Variants in F13A1 observed in about 807,000 individuals in gnomAD.
F13A1 encodes FSF, A subunit.
A neutral mutation model predicts 80.1 loss-of-function variants in F13A1; 47 were observed. The observed-to-expected ratio is 0.59, with a 90% CI of 0.46 to 0.75. F13A1 has a LOEUF of 0.75. Among genes scored for constraint, F13A1 ranks in the 30% least tolerant of loss-of-function variants. The probability of loss-of-function intolerance (pLI) is 0.00; values close to 1 mark genes in which losing one functional copy is unlikely to be tolerated. For missense variants in F13A1, 817 were observed against 930.4 expected (o/e 0.88, Z 1.59); for synonymous variants, 349 against 344.9 (o/e 1.01, Z -0.13).
chr6:6,199,382 C>T (rs60736425), intron 8 of F13A1, among the ~76,000 whole-genome samples: 24,788 of 151,724 alleles, frequency 0.16, 2,172 homozygotes, highest in Middle Eastern at 0.28. Context: ...CCCAGCTACT[C>T]GGGAGGCTGA....
intron 13 of F13A1, among the ~76,000 whole-genome samples, chr6:6,156,716 G>A (rs1024526984): frequency 6.6e-6 from 1 of 152,228 alleles, no homozygotes; most frequent in East Asian, 1.9e-4. Flanking sequence ...GTTAGGAAAT[G>A]TTCTCAGTCT....
rs776883190 is a variant in F13A1 at position 6,243,801 on chromosome 6, C to A, written c.798+4511G>T. On this transcript the variant is annotated intron_variant, in intron 6 of 14. Transcript: ENST00000264870. The surrounding 1 kb of genome is among the most constrained non-coding windows in gnomAD (Gnocchi z 4.2). ...CATGTGTTTCGACACAGATCCTCCACTGGTAATGCCTTGACCCACTGGAGC... is the reference window on the plus strand; with the variant it reads ...CATGTGTTTCGACACAGATCCTCCAATGGTAATGCCTTGACCCACTGGAGC... 6.6e-6 allele frequency among the ~76,000 whole-genome samples: 1 copy of A among 152,214 alleles called. No homozygotes were observed. The highest frequency in any genetic ancestry group is 1.5e-5 in the Non-Finnish European group (1 of 68,042).
Position 6,266,671 on chromosome 6 carries a change from C to T in F13A1, c.458G>A (p.Cys153Tyr). 6 of 1,614,164 alleles carry T rather than the reference C, an allele frequency of 3.7e-6. No homozygotes were observed. The highest frequency in any genetic ancestry group is 5.1e-6 in the Non-Finnish European group (6 of 1,180,034). ...VRLSIQSSPK[C>Y]IVGKFRMYVA... is the part of the protein sequence containing the mutation. ...ATACATGCGGAATTTCCCCACAATA[C>T]ATTTGGGGGAAGACTGGATGGACAG... The change falls in exon 4 of 15, where the codon TGT (cysteine) becomes TAT (tyrosine). Residue 153 changes from cysteine (C) to tyrosine (Y), a missense_variant. Transcript: ENST00000264870.
intron 8 of F13A1, among the ~76,000 whole-genome samples, chr6:6,216,250 G>A (rs1458876003): frequency 6.6e-6 from 1 of 151,964 alleles, no homozygotes; most frequent in Admixed American, 6.5e-5. Context: ...CAAAGCTGGA[G>A]GCATCACACT....
intron 3 of F13A1, among the ~76,000 whole-genome samples, chr6:6,299,578 G>A (rs1437321935): frequency 1.4e-5 from 2 of 139,348 alleles, no homozygotes; most frequent in African/African-American, 3.1e-5. Context: ...CGTAGTTCTC[G>A]AGCCTTGCTT....
intron 8 of F13A1, among the ~76,000 whole-genome samples, chr6:6,209,700 C>T (rs185730122): frequency 3.1e-4 from 47 of 152,266 alleles, no homozygotes; most frequent in African/African-American, 9.6e-4. Flanking sequence ...TGCTACAACA[C>T]GGACGAACCT....
intron 14 of F13A1, among the ~76,000 whole-genome samples, chr6:6,147,306 AAAAAG>A (rs575152488): frequency 7.1e-4 from 108 of 151,338 alleles, no homozygotes; most frequent in African/African-American, 2.6e-3. Flanking sequence ...ATAGAAATAA[AAAAAG>A]AAAAGAAGAA....
intron 2 of F13A1, among the ~76,000 whole-genome samples, chr6:6,311,587 C>T (rs11243076): frequency 0.73 from 106,639 of 145,738 alleles, 39,350 homozygotes; most frequent in East Asian, 0.86. Context: ...AACAAACATA[C>T]ATATATATCA....
intron 11 of F13A1, among the ~76,000 whole-genome samples, chr6:6,177,854 T>A (rs571117297): frequency 6.6e-6 from 1 of 152,166 alleles, no homozygotes; most frequent in African/African-American, 2.4e-5. Flanking sequence ...CTCGGAGTTT[T>A]TGGAGCGAGG....
chr6:6,185,832 T>C (rs1448744127), intron 10 of F13A1, among the ~76,000 whole-genome samples: 4 of 152,178 alleles, frequency 2.6e-5, no homozygotes, highest in African/African-American at 7.2e-5. Context: ...GTTTACAGTC[T>C]CATCAACAGT....
intron 2 of F13A1, chr6:6,305,791 G>A (rs1406683970): frequency 4.1e-6 from 2 of 491,930 alleles, no homozygotes; most frequent in South Asian, 2.1e-5. Flanking sequence ...ACTCACTGTG[G>A]GATAGATGGA....
intron 4 of F13A1, among the ~76,000 whole-genome samples, chr6:6,252,083 AAT>A (rs1163783347): frequency 6.6e-6 from 1 of 152,194 alleles, no homozygotes; most frequent in African/African-American, 2.4e-5. Flanking sequence ...GTTAGAGAAA[AAT>A]ATTTCATGAC....
intron 8 of F13A1, among the ~76,000 whole-genome samples, chr6:6,204,057 G>C (rs969414605): frequency 1.4e-4 from 22 of 152,258 alleles, no homozygotes; most frequent in African/African-American, 4.6e-4. Flanking sequence ...GAGCCTATGG[G>C]GTGGTGAAGA....
At chr6:6,161,270 G>A (rs1437737068) in intron 13 of F13A1, among the ~76,000 whole-genome samples, 1 of 152,070 alleles carries the variant, frequency 6.6e-6, no homozygotes, top group East Asian at 1.9e-4. Flanking sequence ...CCACACTCAG[G>A]CCACTGGCCC....
chr6:6,201,712 TG>T lies in F13A1; in HGVS notation c.1113-4387del, dbSNP rs547588288. ...ACATTTATTTTCCTGTTTTTTGTTT[TG>T]TTTTGTTTTGTTTTCTTGAGACAGG... On this transcript the variant is annotated intron_variant, in intron 8 of 14. Transcript: ENST00000264870. Among the ~76,000 whole-genome samples, 150 of 152,278 alleles carry T rather than the reference TG, an allele frequency of 9.9e-4. 1 individual carries two copies. The highest frequency in any genetic ancestry group is 3.5e-3 in the African/African-American group (144 of 41,562).
At chr6:6,305,744 C>A in intron 2 of F13A1, 1 of 584,518 alleles carries the variant, frequency 1.7e-6, no homozygotes, top group Non-Finnish European at 3.0e-6. Context: ...CTTTTTAAAG[C>A]TTTTTCCACC....
chr6:6,279,035 T>C (rs1207008298), intron 3 of F13A1, among the ~76,000 whole-genome samples: 1 of 152,168 alleles, frequency 6.6e-6, no homozygotes. Flanking sequence ...GAAATGTTTA[T>C]ATCCCTGGGA....
chr6:6,145,765 G>A lies in F13A1; in HGVS notation c.2053C>T (p.Arg685Trp), dbSNP rs764461653. The change falls in exon 15 of 15, where the codon CGG becomes TGG. Residue 685 changes from arginine to tryptophan, a missense_variant. Coordinates refer to ENST00000264870, the MANE Select transcript of F13A1 (RefSeq NM_000129.4). ...RPMKKMFREIRPNSTVQWEEV... is the reference protein window; with the variant it reads ...RPMKKMFREIWPNSTVQWEEV... ...TCCCACTGCACGGTGGAGTTGGGCC[G>A]GATTTCACTGAAAGGATGGAAAAGA... The A allele has an allele frequency of 1.5e-5, 24 of 1,613,874 alleles. No individual in the cohort carries two copies. Among genetic ancestry groups the A allele is most frequent in the Middle Eastern group, 1.6e-4 (1 of 6,082 alleles).
chr6:6,222,303 T>C (rs1757206924), intron 7 of F13A1, 132 bp from the exon 8 acceptor site: 2 of 1,233,222 alleles, frequency 1.6e-6, no homozygotes, highest in African/African-American at 3.0e-5. Context: ...TATTCTCAAA[T>C]GTTCCATGCT....
Sources: allele counts gnomAD v4.1 joint callset (sites outside exome capture counted in the v4.1 genomes callset), GRCh38; gene constraint gnomAD v4.1.1; non-coding constraint Gnocchi (gnomAD v3.1); transcripts MANE v1.5; gene names NCBI Gene and HGNC (gene_info 2026-07-23, HGNC 2026-07-21).